The following WAC variants were observed in gnomAD, a reference collection of about 807,000 sequenced individuals.
WAC encodes the protein WW domain containing adaptor with coiled-coil.
A neutral mutation model predicts 79.6 loss-of-function variants in WAC; 11 were observed. The ratio of observed to expected loss-of-function variants is 0.14; its 90% CI spans 0.09 to 0.23. The LOEUF is 0.23. Ranked by LOEUF, WAC falls within the 10% of genes least tolerant of loss-of-function variation. The pLI is 1.00. For synonymous variants in WAC, 304 were observed against 276.9 expected, an observed-to-expected ratio of 1.10 and a Z score of -0.97; for missense variants, 728 against 773.5, an observed-to-expected ratio of 0.94 and a Z score of 0.70.
chr10:28,533,647 G>A (rs773063590), intron 1 of WAC, 27 bp downstream of exon 1: 35 of 1,594,420 alleles, frequency 2.2e-5, no homozygotes, highest in South Asian at 4.5e-5. Flanking sequence ...TTTCGGGCCG[G>A]GCGGCGGCGG....
chr10:28,556,034 C>T (rs1837961258), intron 3 of WAC, among the ~76,000 whole-genome samples: 1 of 152,158 alleles, frequency 6.6e-6, no homozygotes. Context: ...AGGATGAGAA[C>T]CCTGATCAGA....
intron 7 of WAC, 117 bp downstream of exon 7, chr10:28,596,158 T>C (rs984989980): frequency 1.8e-6 from 2 of 1,130,486 alleles, no homozygotes; most frequent in Non-Finnish European, 2.4e-6. Flanking sequence ...AAAAAAGTCT[T>C]TTAGAATGTT....
chr10:28,622,721 A>G lies in WAC; in HGVS notation c.*3115A>G, dbSNP rs2132903965. 6.6e-6 allele frequency: 1 copy of G among 152,234 alleles called. No homozygotes were observed. Among genetic ancestry groups the G allele is most frequent in the East Asian group, 1.9e-4 (1 of 5,182 alleles). 9.4% of individuals were successfully genotyped at this position (152,234 alleles called of 1,614,324 possible). A position where few individuals can be genotyped will look rare whatever the true frequency, so the allele number is the denominator to read the frequency against. ...GTTTCACACTTGTAAAATCTTGGGA[A>G]GGAGGTTCTTAAAACTTTGCCAGGA... On this transcript the variant is annotated 3_prime_UTR_variant, in exon 14 of 14. Transcript: ENST00000354911.
At chr10:28,573,447 A>G (rs1297879608) in intron 3 of WAC, among the ~76,000 whole-genome samples, 3 of 152,108 alleles carry the variant, frequency 2.0e-5, no homozygotes, top group Non-Finnish European at 2.9e-5. Flanking sequence ...GCTCACCCAT[A>G]TTGTTTTACA....
chr10:28,535,917 A>G, intron 3 of WAC, 160 bp downstream of exon 3: 1 of 656,148 alleles, frequency 1.5e-6, no homozygotes, highest in Non-Finnish European at 2.4e-6. Context: ...AAGTTACTGT[A>G]GAAACAAGAT....
intron 6 of WAC, among the ~76,000 whole-genome samples, chr10:28,593,235 G>A (rs867541097): frequency 6.6e-6 from 1 of 152,102 alleles, no homozygotes; most frequent in Non-Finnish European, 1.5e-5. Context: ...AGCCATTCAA[G>A]TATTTAACTT....
intron 3 of WAC, among the ~76,000 whole-genome samples, chr10:28,551,151 C>T (rs1837645960): frequency 6.6e-6 from 1 of 152,106 alleles, no homozygotes; most frequent in Non-Finnish European, 1.5e-5. Flanking sequence ...TCCAGATATC[C>T]TGTATCTGAA....
intron 3 of WAC, among the ~76,000 whole-genome samples, chr10:28,547,785 G>T (rs1837435336): frequency 6.6e-6 from 1 of 151,834 alleles, no homozygotes; most frequent in Admixed American, 6.6e-5. Context: ...TGAAAATTTA[G>T]AGTTTTTCCT....
chr10:28,594,444 T>C (rs1214020140), intron 6 of WAC, among the ~76,000 whole-genome samples: 4 of 152,370 alleles, frequency 2.6e-5, no homozygotes, highest in Non-Finnish European at 5.9e-5. Context: ...TATATATTAC[T>C]ATCATACAAC....
At chr10:28,603,973 ATATATATATATATATG>A (rs1451967706) in intron 7 of WAC, among the ~76,000 whole-genome samples, 1,632 of 100,380 alleles carry the variant, frequency 0.016, 27 homozygotes, top group East Asian at 0.018. Flanking sequence ...ATATATATAT[ATATATATATATATATG>A]TATATATATA....
chr10:28,533,559 ACACT>A lies in WAC; in HGVS notation c.-17_-14del, dbSNP rs753837598. 2 of 1,469,410 alleles carry A rather than the reference ACACT, an allele frequency of 1.4e-6. No individual in the cohort carries two copies. Among genetic ancestry groups the A allele is most frequent in the African/African-American group, 1.5e-5 (1 of 67,490 alleles). The allele number at this position is 1,469,410 out of a possible 1,614,324, so 91.0% of individuals were successfully genotyped here. A position where few individuals can be genotyped will look rare whatever the true frequency, so the allele number is the denominator to read the frequency against. ...GGCCGCTCTCCCCCCTCCCCGACAC[ACACT>A]CACAGGCCGGGCATTGATGGTAATG... On this transcript the variant is annotated 5_prime_UTR_variant, in exon 1 of 14. Transcript: ENST00000354911.
chr10:28,598,623 A>G (rs1840491922), intron 7 of WAC, among the ~76,000 whole-genome samples: 1 of 152,146 alleles, frequency 6.6e-6, no homozygotes, highest in South Asian at 2.1e-4. Context: ...AATATCTCTT[A>G]TCTTAGAAAT....
intron 7 of WAC, among the ~76,000 whole-genome samples, chr10:28,598,094 T>C (rs543226288): frequency 2.9e-3 from 435 of 152,320 alleles, no homozygotes; most frequent in Non-Finnish European, 4.5e-3. Context: ...ATCTCCTGAT[T>C]ATCTTCTTAC....
In WAC at chr10:28,621,219, T is replaced by TGA. The variant is rs1841681044; in HGVS notation, c.*1613_*1614insGA. ...TTGGTTTAGGGTTTTTTGGTGATTT[T>TGA]TTTTTTTTTTTTTTTTCTGTTGGGG... On this transcript the variant is annotated 3_prime_UTR_variant, in exon 14 of 14. Coordinates refer to ENST00000354911, the MANE Select transcript of WAC (RefSeq NM_016628.5). 6.9e-6 allele frequency: 1 copy of TGA among 145,614 alleles called. No homozygotes were observed. The highest frequency in any genetic ancestry group is 2.6e-5 in the African/African-American group (1 of 38,612). The allele number at this position is 145,614 out of a possible 1,614,324, so 9.0% of individuals were successfully genotyped here.
upstream of WAC, chr10:28,533,117 C>A (rs1589108636): frequency 1.3e-5 from 2 of 156,988 alleles, no homozygotes; most frequent in Admixed American, 6.5e-5. Flanking sequence ...CGGCAGCGTC[C>A]GAGTTGCCCG....
intron 3 of WAC, among the ~76,000 whole-genome samples, chr10:28,541,171 C>T: frequency 6.6e-6 from 1 of 151,900 alleles, no homozygotes; most frequent in African/African-American, 2.4e-5. Flanking sequence ...GTGTAACATA[C>T]TTGGGGTTTT....
At chr10:28,541,415 G>GTGTTTTTT in intron 3 of WAC, among the ~76,000 whole-genome samples, 68 of 37,890 alleles carry the variant, frequency 1.8e-3, no homozygotes, top group Non-Finnish European at 2.4e-3. Flanking sequence ...GTGTGTGTGT[G>GTGTTTTTT]TTTTGTTTTT....
intron 3 of WAC, among the ~76,000 whole-genome samples, chr10:28,568,216 CT>C (rs1269750454): frequency 3.3e-5 from 5 of 152,112 alleles, no homozygotes; most frequent in Admixed American, 3.3e-4. Context: ...TGAAAGTTTA[CT>C]TTTAACGTAA....
intron 11 of WAC, 191 bp from the exon 12 acceptor site, chr10:28,615,982 T>C: frequency 4.3e-6 from 2 of 463,420 alleles, no homozygotes; most frequent in East Asian, 3.3e-5. Context: ...AAGGGTTTTT[T>C]CCCCCTAAAG....
Sources: allele counts gnomAD v4.1 joint callset (sites outside exome capture counted in the v4.1 genomes callset), GRCh38; gene constraint gnomAD v4.1.1; transcripts MANE v1.5; gene names NCBI Gene and HGNC (gene_info 2026-07-23, HGNC 2026-07-21).